Variants in CCNY observed in about 807,000 individuals in gnomAD.
CCNY encodes the protein cyclin-Y.
In CCNY, 19 loss-of-function variants were observed where a neutral mutation model predicts 42.8. The observed-to-expected ratio is 0.44, with a 90% CI of 0.31 to 0.65. CCNY has a LOEUF of 0.65. Among genes scored for constraint, CCNY ranks in the 30% least tolerant of loss-of-function variants. The pLI is 0.07. For missense variants in CCNY, 370 were observed against 437.3 expected, an observed-to-expected ratio of 0.85 and a Z score of 1.37; for synonymous variants, 165 against 162.7, an observed-to-expected ratio of 1.01 and a Z score of -0.11.
chr10:35,335,954 TG>T, upstream of CCNY: 1 of 152,810 alleles, frequency 6.5e-6, no homozygotes. Context: ...GGCGCGCGCC[TG>T]TAGTACCGGC....
intron 3 of CCNY, chr10:35,289,423 A>G (rs1306281127): frequency 6.6e-6 from 1 of 152,194 alleles, no homozygotes; most frequent in Non-Finnish European, 1.5e-5. Flanking sequence ...AAGGAAGAAA[A>G]GTGGGAAGGT....
At chr10:35,496,368 C>T (rs960712041) in intron 2 of CCNY, among the ~76,000 whole-genome samples, 1 of 152,242 alleles carries the variant, frequency 6.6e-6, no homozygotes, top group South Asian at 2.1e-4. Flanking sequence ...GTCCTACACG[C>T]GGTCTCCTCT....
At chr10:35,553,250 G>A (rs1257847711) in intron 8 of CCNY, 65 bp downstream of exon 8, 4 of 1,554,312 alleles carry the variant, frequency 2.6e-6, no homozygotes, top group Non-Finnish European at 8.8e-7. Context: ...AAAGAAAGCT[G>A]CCTCCTTTTT....
intron 3 of CCNY, among the ~76,000 whole-genome samples, chr10:35,311,276 C>G (rs1835680415): frequency 6.6e-6 from 1 of 151,712 alleles, no homozygotes; most frequent in African/African-American, 2.4e-5. Flanking sequence ...TATGATTGTA[C>G]CACTGCACTC....
At chr10:35,425,835 A>G (rs1250349953) in intron 1 of CCNY, among the ~76,000 whole-genome samples, 1 of 152,216 alleles carries the variant, frequency 6.6e-6, no homozygotes, top group East Asian at 1.9e-4. Context: ...CAGAAAAACT[A>G]CAAACTAAAC....
chr10:35,358,892 G>A lies in CCNY; in HGVS notation c.154+21685G>A, dbSNP rs1181298671. Among the ~76,000 whole-genome samples the A allele has an allele frequency of 3.9e-5, 6 of 152,310 alleles. No individual in the cohort carries two copies. The East Asian group carries it at 1.2e-3, about 29-fold the overall frequency. ...GGCCAGGTGAAGGGATGCCCAGAAA[G>A]CCCCATGCTTCACCAGAACCCAGGA... On this transcript the variant is annotated intron_variant, in intron 1 of 9. Coordinates refer to ENST00000374704, the MANE Select transcript of CCNY (RefSeq NM_145012.6).
intron 5 of CCNY, among the ~76,000 whole-genome samples, chr10:35,529,175 C>CTTTT (rs201509088): frequency 0.011 from 1,620 of 152,252 alleles, 39 homozygotes; most frequent in African/African-American, 0.037. Flanking sequence ...TGACTAAAGA[C>CTTTT]TTTTTATCTG....
intron 1 of CCNY, among the ~76,000 whole-genome samples, chr10:35,371,009 C>T (rs1441862560): frequency 1.3e-5 from 2 of 152,238 alleles, no homozygotes; most frequent in South Asian, 4.1e-4. Context: ...GCCACTGCAC[C>T]TGGCCAGGTT....
At chr10:35,450,314 G>C (rs1838889908) in intron 1 of CCNY, among the ~76,000 whole-genome samples, 1 of 152,100 alleles carries the variant, frequency 6.6e-6, no homozygotes, top group Non-Finnish European at 1.5e-5. Flanking sequence ...CAGGGAGAGG[G>C]TGGAGGTTAA....
At chr10:35,465,938 A>AGAGAGAGAGAGT in intron 1 of CCNY, among the ~76,000 whole-genome samples, 15 of 81,028 alleles carry the variant, frequency 1.9e-4, no homozygotes, top group South Asian at 5.1e-4. Context: ...AGAGAGAGAG[A>AGAGAGAGAGAGT]GTGTGTGTGT....
Position 35,336,678 on chromosome 10 carries a change from A to C in CCNY, c.-376A>C, listed in dbSNP as rs1836038545. Among the ~76,000 whole-genome samples, 2 of 146,476 alleles carry C rather than the reference A, an allele frequency of 1.4e-5. No individual in the cohort carries two copies. The highest frequency in any genetic ancestry group is 2.5e-5 in the African/African-American group (1 of 40,550). ...CCGCCGTCGCCGCAGCCGCCGGGGAAGCGGACACCAACTGGGGAAGCGCGG... is the reference window on the plus strand; with the variant it reads ...CCGCCGTCGCCGCAGCCGCCGGGGACGCGGACACCAACTGGGGAAGCGCGG... On this transcript the variant is annotated 5_prime_UTR_variant, in exon 1 of 10. Transcript: ENST00000374704.
intron 2 of CCNY, among the ~76,000 whole-genome samples, chr10:35,487,372 A>C (rs921644516): frequency 2.0e-5 from 3 of 152,102 alleles, no homozygotes; most frequent in Non-Finnish European, 4.4e-5. Flanking sequence ...GAGGACAGTC[A>C]TGTTAGGGCA....
intron 1 of CCNY, among the ~76,000 whole-genome samples, chr10:35,467,321 C>T (rs1348188820): frequency 6.6e-6 from 1 of 152,066 alleles, no homozygotes; most frequent in Non-Finnish European, 1.5e-5. Context: ...GTTTATTGCT[C>T]TGGGCCATAG....
chr10:35,396,248 A>G (rs10827501), intron 1 of CCNY, among the ~76,000 whole-genome samples: 43,586 of 152,128 alleles, frequency 0.29, 6,565 homozygotes, highest in Admixed American at 0.35. Flanking sequence ...AGCCTGGAGT[A>G]TGGAAAGCTA....
intron 1 of CCNY, among the ~76,000 whole-genome samples, chr10:35,362,855 C>T (rs1006429057): frequency 1.3e-5 from 2 of 150,790 alleles, no homozygotes; most frequent in African/African-American, 4.9e-5. Flanking sequence ...CTCCTCACTT[C>T]CCAGACAGTG....
intron 3 of CCNY, among the ~76,000 whole-genome samples, chr10:35,307,421 T>C (rs1835619668): frequency 6.6e-6 from 1 of 152,212 alleles, no homozygotes; most frequent in African/African-American, 2.4e-5. Context: ...TATCAGATAA[T>C]GTTAGCAGAG....
chr10:35,479,604 T>G (rs1229997673), intron 1 of CCNY, among the ~76,000 whole-genome samples: 2 of 67,250 alleles, frequency 3.0e-5, no homozygotes, highest in African/African-American at 6.5e-5. Context: ...TGGGGACTGT[T>G]GTGGGGTGGG....
intron 1 of CCNY, among the ~76,000 whole-genome samples, chr10:35,454,230 C>T (rs1414541617): frequency 6.6e-6 from 1 of 152,256 alleles, no homozygotes; most frequent in Non-Finnish European, 1.5e-5. Flanking sequence ...GACACAGTCA[C>T]TTCTGGGTGG....
At chr10:35,338,553 A>G (rs1490752571) in intron 1 of CCNY, among the ~76,000 whole-genome samples, 1 of 152,216 alleles carries the variant, frequency 6.6e-6, no homozygotes, top group Non-Finnish European at 1.5e-5. Flanking sequence ...TGAAGGCCAG[A>G]TCGGTCTTGA....
Sources: gnomAD v4.1 joint callset for allele counts (sites outside exome capture counted in the v4.1 genomes callset) on GRCh38, gnomAD v4.1.1 for gene constraint, MANE v1.5 for transcripts, NCBI Gene and HGNC (gene_info 2026-07-23, HGNC 2026-07-21) for gene names.